The following MCF2L2 variants were observed in gnomAD, a reference collection of about 807,000 sequenced individuals.
The protein encoded by MCF2L2 is probable guanine nucleotide exchange factor MCF2L2.
Under a neutral mutation model 150.2 loss-of-function variants are expected in MCF2L2, and 102 were observed. The ratio of observed to expected loss-of-function variants is 0.68; its 90% CI spans 0.58 to 0.80. The LOEUF (loss-of-function observed/expected upper bound fraction) is 0.80. MCF2L2 is among the 30% of genes least tolerant of loss of function. The pLI is 0.00. For missense variants in MCF2L2, 1,256 were observed against 1,372.8 expected, an observed-to-expected ratio of 0.91 and a Z score of 1.34; for synonymous variants, 465 against 491.3, an observed-to-expected ratio of 0.95 and a Z score of 0.71.
At chr3:183,246,983 G>A (rs1437510573) in intron 15 of MCF2L2, among the ~76,000 whole-genome samples, 1 of 152,190 alleles carries the variant, frequency 6.6e-6, no homozygotes, top group African/African-American at 2.4e-5. Context: ...CTCTAGGGCA[G>A]ATGTCCTGTC....
intron 8 of MCF2L2, 29 bp downstream of exon 8, chr3:183,311,619 A>C (rs1560015811): frequency 6.2e-7 from 1 of 1,612,944 alleles, no homozygotes; most frequent in Non-Finnish European, 8.5e-7. Context: ...TTCTCTCCTG[A>C]AAAGGCTGAT....
intron 22 of MCF2L2, among the ~76,000 whole-genome samples, chr3:183,212,170 T>G (rs140939234): frequency 6.6e-6 from 1 of 152,286 alleles, no homozygotes; most frequent in East Asian, 1.9e-4. Context: ...GAAGGATTCT[T>G]CCTGAGAGCC....
At chr3:183,405,723 T>C (rs1356096460) in intron 1 of MCF2L2, among the ~76,000 whole-genome samples, 1 of 152,130 alleles carries the variant, frequency 6.6e-6, no homozygotes, top group Non-Finnish European at 1.5e-5. Context: ...TCCAGTTTCA[T>C]TTTGTATTTT....
chr3:183,395,666 C>A (rs748957662), intron 1 of MCF2L2, among the ~76,000 whole-genome samples: 4 of 152,024 alleles, frequency 2.6e-5, no homozygotes, highest in Non-Finnish European at 4.4e-5. Flanking sequence ...TGCCTGTAAT[C>A]CCAACACTTT....
In MCF2L2 at chr3:183,310,417, G is replaced by A. The variant is rs547798456; in HGVS notation, c.993+498C>T. 8.9e-4 allele frequency: 162 copies of A among 182,870 alleles called. 1 individual carries two copies. The highest frequency in any genetic ancestry group is 3.7e-3 in the African/African-American group (156 of 41,658). 11.3% of individuals were successfully genotyped at this position (182,870 alleles called of 1,614,324 possible). A position where few individuals can be genotyped will look rare whatever the true frequency, so the allele number is the denominator to read the frequency against. ...CTCAGGAGGCTGAGGCAGGAGAATC[G>A]CTTGAACCTGGGAGGCGGAGGTTGC... is the stretch of plus-strand genomic sequence containing the variant. On this transcript the variant is annotated intron_variant, in intron 9 of 29. Transcript: ENST00000328913.
At chr3:183,212,271 C>A (rs1253367402) in intron 22 of MCF2L2, among the ~76,000 whole-genome samples, 1 of 152,170 alleles carries the variant, frequency 6.6e-6, no homozygotes, top group African/African-American at 2.4e-5. Flanking sequence ...TTTTAAGTCA[C>A]GTACTTTGTG....
intron 15 of MCF2L2, among the ~76,000 whole-genome samples, chr3:183,233,412 G>A (rs189926100): frequency 3.9e-4 from 59 of 151,064 alleles, no homozygotes; most frequent in South Asian, 8.3e-4. Flanking sequence ...GTGTGTGTGT[G>A]TATATATATA....
intron 14 of MCF2L2, among the ~76,000 whole-genome samples, chr3:183,288,309 G>A (rs1221184230): frequency 1.3e-5 from 2 of 151,918 alleles, no homozygotes; most frequent in Non-Finnish European, 2.9e-5. Context: ...AGTCACATGA[G>A]GTTGCAAAGA....
intron 3 of MCF2L2, chr3:183,372,401 T>C (rs1712940947): frequency 2.0e-5 from 3 of 152,136 alleles, no homozygotes; most frequent in Admixed American, 2.0e-4. Context: ...TCACACTGTA[T>C]GTGAGGAAAA....
At position 183,179,969 on chromosome 3, in the gene MCF2L2, C is replaced by T. The variant is rs754764309; in HGVS notation, c.3105+102G>A. On this transcript the variant is annotated intron_variant, in intron 28 of 29. Transcript: ENST00000328913. This position sits in a 1 kb window ranked among gnomAD's most constrained non-coding sequence, Gnocchi z 4.2. ...AACCAGGTCCTTATGGGTGAGAATC[C>T]TGAGGAGGGGGAGAGGGATGGAGGC... 4 of 993,096 alleles carry T rather than the reference C, an allele frequency of 4.0e-6. No homozygotes were observed. Among genetic ancestry groups the T allele is most frequent in the Non-Finnish European group, 6.3e-6 (4 of 634,962 alleles). 61.5% of individuals were successfully genotyped at this position (993,096 alleles called of 1,614,324 possible).
chr3:183,247,515 G>C (rs1724313351), intron 15 of MCF2L2, among the ~76,000 whole-genome samples: 1 of 152,142 alleles, frequency 6.6e-6, no homozygotes, highest in Admixed American at 6.5e-5. Flanking sequence ...CCAAGAAAGA[G>C]TACTACTGGT....
At chr3:183,407,004 C>T in intron 1 of MCF2L2, among the ~76,000 whole-genome samples, 1 of 152,124 alleles carries the variant, frequency 6.6e-6, no homozygotes, top group East Asian at 1.9e-4. Context: ...CATTTAGGTC[C>T]ATGATCCACT....
chr3:183,425,620 G>A (rs59968201), intron 1 of MCF2L2, among the ~76,000 whole-genome samples: 23,002 of 152,050 alleles, frequency 0.15, 2,648 homozygotes, highest in African/African-American at 0.33. Flanking sequence ...AGGTCCCCCA[G>A]TAGGGGATAT....
intron 25 of MCF2L2, among the ~76,000 whole-genome samples, chr3:183,196,437 G>A (rs1022656240): frequency 6.6e-6 from 1 of 152,198 alleles, no homozygotes; most frequent in Non-Finnish European, 1.5e-5. Flanking sequence ...GTGCTCGGCA[G>A]GCGTAAGGTA....
chr3:183,387,724 G>T (rs1203606688), intron 2 of MCF2L2, among the ~76,000 whole-genome samples: 1 of 152,098 alleles, frequency 6.6e-6, no homozygotes, highest in Non-Finnish European at 1.5e-5. Context: ...CCTGAGGTCA[G>T]GAGTTCGAGA....
intron 25 of MCF2L2, among the ~76,000 whole-genome samples, chr3:183,199,005 A>T (rs75747263): frequency 6.6e-6 from 1 of 152,342 alleles, no homozygotes; most frequent in African/African-American, 2.4e-5. Flanking sequence ...ATACAAAGTA[A>T]AATCAATGAC....
intron 15 of MCF2L2, among the ~76,000 whole-genome samples, chr3:183,232,667 G>GA (rs1387992691): frequency 6.6e-6 from 1 of 151,906 alleles, no homozygotes; most frequent in Non-Finnish European, 1.5e-5. Context: ...TGATCCAATA[G>GA]AAAAAAATGG....
intron 3 of MCF2L2, among the ~76,000 whole-genome samples, chr3:183,342,648 G>A (rs900201207): frequency 3.0e-4 from 42 of 139,716 alleles, no homozygotes; most frequent in African/African-American, 1.3e-3. Context: ...GTGTGTGTGT[G>A]TGTGTGTGTG....
At chr3:183,371,766 C>T (rs779103084) in intron 3 of MCF2L2, among the ~76,000 whole-genome samples, 35 of 152,010 alleles carry the variant, frequency 2.3e-4, no homozygotes, top group Non-Finnish European at 4.3e-4. Flanking sequence ...GTGTAAGCCA[C>T]CGCACCCGGC....
Sources: allele counts gnomAD v4.1 joint callset (sites outside exome capture counted in the v4.1 genomes callset), GRCh38; gene constraint gnomAD v4.1.1; non-coding constraint Gnocchi (gnomAD v3.1); transcripts MANE v1.5; gene names NCBI Gene and HGNC (gene_info 2026-07-23, HGNC 2026-07-21).